C8orf89: variants seen among roughly 807,000 people sequenced by gnomAD.
C8orf89 encodes putative uncharacterized protein C8orf89.
Under a neutral mutation model 15.8 loss-of-function variants are expected in C8orf89, and 14 were observed. The observed-to-expected ratio is 0.89, with a 90% CI of 0.59 to 1.39. C8orf89 has a LOEUF of 1.39. Among genes scored for constraint, C8orf89 ranks in the 40% most tolerant of loss-of-function variants. The pLI, the probability that C8orf89 is intolerant of heterozygous loss-of-function variation, is 0.00. For synonymous variants in C8orf89, 55 were observed against 62.2 expected, an observed-to-expected ratio of 0.88 and a Z score of 0.54; for missense variants, 181 against 184.5, an observed-to-expected ratio of 0.98 and a Z score of 0.11.
At chr8:73,261,133 C>T (rs908733543), upstream of C8orf89, among the ~76,000 whole-genome samples, 5 of 152,212 alleles carry the variant, frequency 3.3e-5, no homozygotes, top group Non-Finnish European at 5.9e-5. Flanking sequence ...CCTTGCTCCT[C>T]AGCTGGCAGG....
chr8:73,243,583 G>A (rs1257545731), intron 3 of C8orf89, among the ~76,000 whole-genome samples: 1 of 152,164 alleles, frequency 6.6e-6, no homozygotes, highest in Non-Finnish European at 1.5e-5. Flanking sequence ...AGGCTGGAGT[G>A]CAGTGGTGCA....
intron 2 of C8orf89, among the ~76,000 whole-genome samples, chr8:73,254,568 T>C (rs1476989021): frequency 6.6e-6 from 1 of 152,132 alleles, no homozygotes; most frequent in Non-Finnish European, 1.5e-5. Flanking sequence ...GGGATCCAGA[T>C]GCAGCTTTAT....
At chr8:73,263,521 A>C (rs1813566128), upstream of C8orf89, among the ~76,000 whole-genome samples, 1 of 152,192 alleles carries the variant, frequency 6.6e-6, no homozygotes, top group Admixed American at 6.5e-5. Context: ...CTCAAAAAAT[A>C]ATAATAAAAT....
chr8:73,277,749 T>C, the C8orf89 span: 2 of 744,686 alleles, frequency 2.7e-6, no homozygotes, highest in African/African-American at 3.4e-5. Flanking sequence ...CCACATGGGT[T>C]TTAGGGAGGA....
At chr8:73,285,468 G>C in the C8orf89 span, among the ~76,000 whole-genome samples, 1 of 152,202 alleles carries the variant, frequency 6.6e-6, no homozygotes, top group Admixed American at 6.5e-5. Flanking sequence ...GCCTCTCTGA[G>C]CCTTAGTGTC....
the C8orf89 span, among the ~76,000 whole-genome samples, chr8:73,271,935 A>G: frequency 6.6e-6 from 1 of 152,244 alleles, no homozygotes; most frequent in African/African-American, 2.4e-5. Context: ...ATAACCTAGT[A>G]CACTGCTTTA....
chr8:73,255,387 A>G (rs1563532403), intron 2 of C8orf89, among the ~76,000 whole-genome samples: 1 of 151,146 alleles, frequency 6.6e-6, no homozygotes, highest in Non-Finnish European at 1.5e-5. Context: ...ATCACTGGCC[A>G]TCAGAGAAAT....
intron 3 of C8orf89, among the ~76,000 whole-genome samples, chr8:73,244,881 TA>T (rs1813089764): frequency 1.3e-5 from 2 of 152,240 alleles, no homozygotes; most frequent in Admixed American, 6.5e-5. Flanking sequence ...AAGATAAATT[TA>T]AAATTCTGAA....
upstream of C8orf89, among the ~76,000 whole-genome samples, chr8:73,263,104 C>A (rs760532819): frequency 1.2e-4 from 18 of 152,156 alleles, no homozygotes; most frequent in Non-Finnish European, 2.4e-4. Context: ...AAAATGCTTT[C>A]TCAAATTACC....
chr8:73,267,747 T>G, the C8orf89 span, among the ~76,000 whole-genome samples: 40 of 152,340 alleles, frequency 2.6e-4, no homozygotes, highest in South Asian at 7.2e-3. Context: ...CAGTATTTTG[T>G]AGATGTAGTT....
chr8:73,262,741 C>A (rs1483652674), upstream of C8orf89, among the ~76,000 whole-genome samples: 1 of 151,072 alleles, frequency 6.6e-6, no homozygotes, highest in Admixed American at 6.6e-5. Context: ...TGCTTGAGCC[C>A]AGGAGTTCTA....
Position 73,241,496 on chromosome 8 carries a change from T to C in C8orf89, c.447A>G (p.Lys149=). 6.5e-7 allele frequency: 1 copy of C among 1,531,984 alleles called. No individual in the cohort carries two copies. Among genetic ancestry groups the C allele is most frequent in the African/African-American group, 1.4e-5 (1 of 73,060 alleles). The allele number at this position is 1,531,984 out of a possible 1,614,324, so 94.9% of individuals were successfully genotyped here. A position where few individuals can be genotyped will look rare whatever the true frequency, so the allele number is the denominator to read the frequency against. The part of the protein sequence containing the change: ...YDTIRQETTT[K]SKKSKKRDLR... ...GGTCTCGTTTCTTGCTTTTTTTTGATTTTGTGGTTGTTTCCTGACGAATGG... is the reference window on the plus strand; with the variant it reads ...GGTCTCGTTTCTTGCTTTTTTTTGACTTTGTGGTTGTTTCCTGACGAATGG... Residue 149 remains lysine (K), a synonymous_variant, in exon 4 of 4, where the codon AAA becomes AAG. Transcript: ENST00000624510.
At chr8:73,257,970 T>C (rs1813436677) in intron 1 of C8orf89, among the ~76,000 whole-genome samples, 1 of 152,198 alleles carries the variant, frequency 6.6e-6, no homozygotes, top group African/African-American at 2.4e-5. Flanking sequence ...TCTTTTTTCA[T>C]CAATTAGATT....
At chr8:73,275,836 A>T in the C8orf89 span, among the ~76,000 whole-genome samples, 4 of 152,050 alleles carry the variant, frequency 2.6e-5, no homozygotes, top group East Asian at 7.7e-4. Flanking sequence ...GATATAGTCA[A>T]ATTTGTCTAT....
chr8:73,264,554 G>A, the C8orf89 span, among the ~76,000 whole-genome samples: 1 of 152,120 alleles, frequency 6.6e-6, no homozygotes, highest in South Asian at 2.1e-4. Flanking sequence ...GCAGTGGCGC[G>A]ATCTCGGCTC....
chr8:73,260,245 T>C (rs1414647639), upstream of C8orf89, among the ~76,000 whole-genome samples: 2 of 151,794 alleles, frequency 1.3e-5, no homozygotes, highest in Non-Finnish European at 2.9e-5. Context: ...GATGAGAAAA[T>C]GGATAATACA....
upstream of C8orf89, among the ~76,000 whole-genome samples, chr8:73,263,945 G>C (rs1586170255): frequency 6.6e-6 from 1 of 152,126 alleles, no homozygotes; most frequent in Non-Finnish European, 1.5e-5. Context: ...TCATCAACCA[G>C]TCCATACATC....
At chr8:73,256,605 G>A (rs113608678) in intron 2 of C8orf89, among the ~76,000 whole-genome samples, 2,724 of 151,538 alleles carry the variant, frequency 0.018, 38 homozygotes, top group Non-Finnish European at 0.03. Flanking sequence ...GCGGGCGCCT[G>A]TAATCCCAGC....
At chr8:73,252,534 T>C (rs1369003975) in intron 2 of C8orf89, among the ~76,000 whole-genome samples, 1 of 152,174 alleles carries the variant, frequency 6.6e-6, no homozygotes, top group East Asian at 1.9e-4. Flanking sequence ...TTTTCCTTTT[T>C]TTCTGCAAAG....
Sources: allele counts gnomAD v4.1 joint callset (sites outside exome capture counted in the v4.1 genomes callset), GRCh38; gene constraint gnomAD v4.1.1; transcripts MANE v1.5; gene names NCBI Gene and HGNC (gene_info 2026-07-23, HGNC 2026-07-21).